Variants in RPS6KA3 observed in about 807,000 individuals in gnomAD.
RPS6KA3 encodes the protein ribosomal protein S6 kinase alpha-3.
RPS6KA3 carries 4 observed loss-of-function variants against 67.2 expected under a neutral mutation model. That is an observed-to-expected ratio of 0.06 (90% CI 0.03 to 0.14). The LOEUF (loss-of-function observed/expected upper bound fraction) is 0.14, where lower values mean the gene tolerates loss of function less well. Ranked by LOEUF, RPS6KA3 falls within the 10% of genes least tolerant of loss-of-function variation. The probability of loss-of-function intolerance (pLI) is 1.00; values close to 1 mark genes in which losing one functional copy is unlikely to be tolerated. For missense variants in RPS6KA3, 204 were observed against 559.0 expected, an observed-to-expected ratio of 0.36 and a Z score of 6.40; for synonymous variants, 182 against 183.7, an observed-to-expected ratio of 0.99 and a Z score of 0.07.
chrX:20,189,105 T>C (rs1302714405), intron 7 of RPS6KA3, among the ~76,000 whole-genome samples: 1 of 111,729 alleles, frequency 9.0e-6, no homozygotes, highest in South Asian at 3.7e-4. Flanking sequence ...TAAAGGTATC[T>C]GACTCAATCA....
At chrX:20,175,538 C>T (rs2067678212) in intron 13 of RPS6KA3, among the ~76,000 whole-genome samples, 1 of 111,601 alleles carries the variant, frequency 9.0e-6, no homozygotes, top group South Asian at 3.8e-4. Context: ...GACTATAATA[C>T]ATCGATGAAT....
At chrX:20,188,648 T>A in intron 7 of RPS6KA3, 114 bp from the exon 8 acceptor site, 1 of 443,411 alleles carries the variant, frequency 2.3e-6, no homozygotes, top group Non-Finnish European at 4.0e-6. Flanking sequence ...AACATTGCTT[T>A]AGACTGTGAA....
intron 2 of RPS6KA3, among the ~76,000 whole-genome samples, chrX:20,218,603 CAG>C (rs2068915098): frequency 9.0e-6 from 1 of 111,674 alleles, no homozygotes; most frequent in African/African-American, 3.2e-5. Flanking sequence ...ACAAAATATA[CAG>C]AGTTGAAATG....
intron 2 of RPS6KA3, among the ~76,000 whole-genome samples, chrX:20,221,245 T>C (rs2068980235): frequency 8.9e-6 from 1 of 112,031 alleles, no homozygotes; most frequent in Non-Finnish European, 1.9e-5. Context: ...AAATGGATGC[T>C]ACTTGTGTGG....
chrX:20,211,119 T>C (rs996179129), intron 2 of RPS6KA3, among the ~76,000 whole-genome samples: 1 of 111,624 alleles, frequency 9.0e-6, no homozygotes, highest in Non-Finnish European at 1.9e-5. Flanking sequence ...TAGGTGTTTT[T>C]TCATGTTTTA....
intron 1 of RPS6KA3, among the ~76,000 whole-genome samples, chrX:20,251,180 G>A (rs2069853489): frequency 8.9e-6 from 1 of 112,205 alleles, no homozygotes; most frequent in African/African-American, 3.2e-5. Flanking sequence ...CGCCCAGGCT[G>A]GAGTGCAGTG....
In RPS6KA3 at chrX:20,266,606, C is replaced by A; in HGVS notation, c.27G>T (p.Pro9=). The part of the protein sequence containing the change: MPLAQLAD[P]WQKMAVESPS... The stretch of plus-strand genomic sequence containing the variant: ...GGCTCTCCACAGCCATCTTCTGCCA[C>A]GGGTCCGCCAGCTGCGCCAGCGGCA... The change falls in exon 1 of 22, where the codon CCG becomes CCT. Residue 9 remains proline, a synonymous_variant. Coordinates refer to ENST00000379565, the MANE Select transcript of RPS6KA3 (RefSeq NM_004586.3). 8 of 1,151,040 alleles carry A rather than the reference C, an allele frequency of 7.0e-6. No individual in the cohort carries two copies. The highest frequency in any genetic ancestry group is 9.2e-6 in the Non-Finnish European group (8 of 868,288). 94.9% of individuals were successfully genotyped at this position (1,151,040 alleles called of 1,213,427 possible).
At chrX:20,227,945 T>G (rs892660690) in intron 2 of RPS6KA3, among the ~76,000 whole-genome samples, 5 of 111,711 alleles carry the variant, frequency 4.5e-5, no homozygotes, top group African/African-American at 1.6e-4. Flanking sequence ...CTCTTCTTTC[T>G]TTTTCTCTCC....
At chrX:20,160,034 A>G (rs182856969) in intron 20 of RPS6KA3, among the ~76,000 whole-genome samples, 2 of 111,978 alleles carry the variant, frequency 1.8e-5, no homozygotes, top group African/African-American at 3.2e-5. Flanking sequence ...ATCACCACCT[A>G]TCTGCATGTG....
At chrX:20,156,434 G>A (rs1333576638) in intron 20 of RPS6KA3, among the ~76,000 whole-genome samples, 185 bp from the exon 21 acceptor site, 1 of 111,666 alleles carries the variant, frequency 9.0e-6, no homozygotes, top group Non-Finnish European at 1.9e-5. Flanking sequence ...CTAAATAACT[G>A]TAATTTGGTG....
At chrX:20,183,858 T>C (rs777126367) in intron 10 of RPS6KA3, among the ~76,000 whole-genome samples, 16 of 112,087 alleles carry the variant, frequency 1.4e-4, no homozygotes, top group Non-Finnish European at 2.6e-4. Context: ...TAGCTACATA[T>C]GGCTACTGAG....
At position 20,234,771 on chromosome X, in the gene RPS6KA3, A is replaced by C. The variant is rs56218010; in HGVS notation, c.113T>G (p.Ile38Ser). 0.022 allele frequency: 25,892 copies of C among 1,191,596 alleles called. 218 individuals carry two copies. The highest frequency in any genetic ancestry group is 0.026 in the Non-Finnish European group (23,039 of 879,254). The change falls in exon 2 of 22, where the codon ATT becomes AGT. Residue 38 changes from isoleucine (I) to serine (S), a missense_variant. This residue lies in a region of RPS6KA3 where 31 missense variants were observed against 42.5 expected (regional missense o/e 0.73). Coordinates refer to ENST00000379565, the MANE Select transcript of RPS6KA3 (RefSeq NM_004586.3). ...IMDEPMGEEE[I>S]NPQTEEVSIK... is the part of the protein sequence containing the mutation. ...TATTTTACTTACAGTTTGTGGGTTAATCTCCTCCTCTCCCATAGGTTCATC... is the reference window on the plus strand; with the variant it reads ...TATTTTACTTACAGTTTGTGGGTTACTCTCCTCCTCTCCCATAGGTTCATC...
Position 20,251,593 on chromosome X carries a change from T to G in RPS6KA3, c.69+14971A>C, listed in dbSNP as rs183770741. On this transcript the variant is annotated intron_variant, in intron 1 of 21. Transcript: ENST00000379565. ...ATTTCTCTCTAACTGCTTTAAAGAT[T>G]CTTTAATTTTCAAAAGTTTGATATT... 6.2e-5 allele frequency among the ~76,000 whole-genome samples: 7 copies of G among 113,297 alleles called. No homozygotes were observed. In the East Asian group the frequency reaches 1.9e-3, roughly 31 times the overall value.
At chrX:20,191,096 C>T (rs1185394684) in intron 7 of RPS6KA3, among the ~76,000 whole-genome samples, 1 of 110,897 alleles carries the variant, frequency 9.0e-6, no homozygotes, top group Non-Finnish European at 1.9e-5. Context: ...GTTCAACTCC[C>T]ACTTATGAGT....
Position 20,214,276 on chromosome X carries a change from T to C in RPS6KA3, c.127-4872A>G, listed in dbSNP as rs932042197. The stretch of plus-strand genomic sequence containing the variant: ...TTCTGGTTGAATTCACTGTTTTCAG[T>C]TTTCTATGTCTCTTTCTTAGATTAC... On this transcript the variant is annotated intron_variant, in intron 2 of 21. Transcript: ENST00000379565. Among the ~76,000 whole-genome samples the C allele has an allele frequency of 8.0e-5, 9 of 111,927 alleles. No individual in the cohort carries two copies. The Admixed American group carries it at 8.5e-4, about 11-fold the overall frequency.
At chrX:20,218,596 AAATAT>A (rs1295389577) in intron 2 of RPS6KA3, among the ~76,000 whole-genome samples, 13 of 112,246 alleles carry the variant, frequency 1.2e-4, no homozygotes, top group Admixed American at 4.7e-4. Context: ...TCAGTTGACA[AAATAT>A]ACAGAGTTGA....
intron 15 of RPS6KA3, 96 bp downstream of exon 15, chrX:20,172,650 G>A: frequency 1.3e-6 from 1 of 748,123 alleles, no homozygotes. Flanking sequence ...TATAACAAAA[G>A]GCACTTTTAA....
intron 1 of RPS6KA3, among the ~76,000 whole-genome samples, chrX:20,236,260 T>A (rs2069408492): frequency 8.9e-6 from 1 of 112,041 alleles, no homozygotes; most frequent in African/African-American, 3.2e-5. Context: ...CTACAATGAA[T>A]ACGTATTATT....
chrX:20,167,463 G>A, intron 17 of RPS6KA3, 126 bp downstream of exon 17: 3 of 626,975 alleles, frequency 4.8e-6, no homozygotes, highest in Non-Finnish European at 5.4e-6. Flanking sequence ...AGGAAGGTCA[G>A]TAGGATAATT....
Sources: allele counts gnomAD v4.1 joint callset (sites outside exome capture counted in the v4.1 genomes callset), GRCh38; gene constraint gnomAD v4.1.1; regional missense constraint gnomAD v4.1.1; transcripts MANE v1.5; gene names NCBI Gene and HGNC (gene_info 2026-07-23, HGNC 2026-07-21).